The following DOK7 variants were observed in gnomAD, a reference collection of about 807,000 sequenced individuals.
The protein encoded by DOK7 is docking protein 7.
Under a neutral mutation model 30.7 loss-of-function variants are expected in DOK7, and 32 were observed. The ratio of observed to expected loss-of-function variants is 1.04; its 90% CI spans 0.79 to 1.40. The LOEUF (loss-of-function observed/expected upper bound fraction) is 1.40, where lower values mean the gene tolerates loss of function less well. DOK7 is among the 40% of genes most tolerant of loss of function. The probability of loss-of-function intolerance (pLI) is 0.00; values close to 1 mark genes in which losing one functional copy is unlikely to be tolerated. For synonymous variants in DOK7, 447 were observed against 324.1 expected, an observed-to-expected ratio of 1.38 and a Z score of -4.07; for missense variants, 1,007 against 699.2, an observed-to-expected ratio of 1.44 and a Z score of -4.97.
In DOK7 at chr4:3,492,884, A is replaced by G. The variant is rs1728591953; in HGVS notation, c.898A>G (p.Arg300Gly). 1.2e-6 allele frequency: 2 copies of G among 1,600,052 alleles called. No homozygotes were observed. The highest frequency in any genetic ancestry group is 1.3e-5 in the African/African-American group (1 of 74,802). The change falls in exon 7 of 7, where the codon AGA becomes GGA. Residue 300 changes from arginine to glycine, a missense_variant. Coordinates refer to ENST00000340083, the MANE Select transcript of DOK7 (RefSeq NM_173660.5). ...SSASTSQEGP[R>G]PAAAQAAGEA... ...AGCCAGCACGTCACAGGAGGGGCCT[A>G]GACCAGCAGCTGCCCAGGCCGCCGG...
chr4:3,463,536 C>A lies in DOK7; in HGVS notation c.85C>A (p.Pro29Thr), dbSNP rs902383987. The A allele has an allele frequency of 6.6e-7, 1 of 1,509,416 alleles. No homozygotes were observed. The highest frequency in any genetic ancestry group is 1.4e-5 in the African/African-American group (1 of 70,430). The allele number at this position is 1,509,416 out of a possible 1,614,324, so 93.5% of individuals were successfully genotyped here. A position where few individuals can be genotyped will look rare whatever the true frequency, so the allele number is the denominator to read the frequency against. Residue 29 changes from proline to threonine, a missense_variant, in exon 2 of 7, where the codon CCG becomes ACG. Transcript: ENST00000340083. ...GAGTAGGTGGCTGGTGCTGCGGAAG[C>A]CGTCGCCCGTGGCAGGTGAGCGGGG... ...WKSRWLVLRK[P>T]SPVADCLLML...
intron 2 of DOK7, among the ~76,000 whole-genome samples, chr4:3,469,164 T>C (rs1286051692): frequency 6.6e-6 from 1 of 150,994 alleles, no homozygotes; most frequent in Non-Finnish European, 1.5e-5. Flanking sequence ...TGAGTGTGCA[T>C]GTGTGTGTGT....
chr4:3,500,428 C>G lies in DOK7; in HGVS notation c.1261+25C>G, dbSNP rs768481802. 6 of 1,534,480 alleles carry G rather than the reference C, an allele frequency of 3.9e-6. 1 individual carries two copies. In the South Asian group the frequency reaches 7.1e-5, roughly 18 times the overall value. ...GGTGGGTCCCCGCCCTGCGTGGAGG[C>G]ACTGACAATTGGGGGCTGGGACCAC... On this transcript the variant is annotated intron_variant, in intron 7 of 7. Coordinates refer to the DOK7 transcript ENST00000643608.
chr4:3,487,962 G>A (rs1224736165), intron 5 of DOK7, among the ~76,000 whole-genome samples: 1 of 152,250 alleles, frequency 6.6e-6, no homozygotes, highest in African/African-American at 2.4e-5. Context: ...GTGGCTGAAT[G>A]TGTCTGTGAA....
chr4:3,476,259 C>CCCGG, intron 3 of DOK7, 83 bp from the exon 4 acceptor site: 2 of 991,458 alleles, frequency 2.0e-6, no homozygotes. Flanking sequence ...CCCACCCGCC[C>CCCGG]GTGATGCCCT....
chr4:3,490,094 A>ATTCCT (rs753072024), intron 6 of DOK7, among the ~76,000 whole-genome samples: 3 of 74,030 alleles, frequency 4.1e-5, no homozygotes, highest in African/African-American at 5.3e-5. Flanking sequence ...CCCCTCATTC[A>ATTCCT]TTCCTTTCTT....
intron 4 of DOK7, among the ~76,000 whole-genome samples, chr4:3,481,864 G>A (rs957839286): frequency 1.3e-5 from 2 of 152,198 alleles, no homozygotes; most frequent in Non-Finnish European, 2.9e-5. Flanking sequence ...CCTGGAGTTA[G>A]TGCAACAGCT....
chr4:3,465,829 G>A (rs773646217), intron 2 of DOK7, among the ~76,000 whole-genome samples: 7 of 152,316 alleles, frequency 4.6e-5, no homozygotes, highest in African/African-American at 1.7e-4. Flanking sequence ...GCAGGGCCCC[G>A]GGGGAGGAGG....
intron 7 of DOK7, chr4:3,500,481 C>T: frequency 6.6e-7 from 1 of 1,511,300 alleles, no homozygotes; most frequent in Non-Finnish European, 8.8e-7. Flanking sequence ...CCCCCAGCCC[C>T]ACCCAGCAGC....
intron 2 of DOK7, among the ~76,000 whole-genome samples, chr4:3,468,924 T>A (rs1726550417): frequency 6.9e-6 from 1 of 145,332 alleles, no homozygotes; most frequent in Non-Finnish European, 1.5e-5. Flanking sequence ...TATGTGTGTA[T>A]GAGTGTGCGT....
At chr4:3,483,425 G>C (rs984505549) in intron 4 of DOK7, among the ~76,000 whole-genome samples, 5 of 152,156 alleles carry the variant, frequency 3.3e-5, no homozygotes, top group Non-Finnish European at 5.9e-5. Flanking sequence ...CCAAGACCTT[G>C]GCAGACCAGC....
At chr4:3,481,334 G>A (rs562743451) in intron 4 of DOK7, among the ~76,000 whole-genome samples, 2 of 152,070 alleles carry the variant, frequency 1.3e-5, no homozygotes, top group Non-Finnish European at 2.9e-5. Context: ...GATGGAGGGC[G>A]AGGCTGCCCC....
At chr4:3,485,811 G>A (rs1051316653) in intron 5 of DOK7, among the ~76,000 whole-genome samples, 153 bp downstream of exon 5, 1 of 152,264 alleles carries the variant, frequency 6.6e-6, no homozygotes, top group Non-Finnish European at 1.5e-5. Context: ...GGCCAGGATT[G>A]CAGCCTGGGC....
At chr4:3,464,778 TTC>T (rs1402270870) in intron 2 of DOK7, among the ~76,000 whole-genome samples, 2 of 152,120 alleles carry the variant, frequency 1.3e-5, no homozygotes, top group Non-Finnish European at 2.9e-5. Context: ...TGGAGGGATT[TTC>T]TTTCTGCATC....
chr4:3,493,315 C>T lies in DOK7; in HGVS notation c.1329C>T (p.Pro443=), dbSNP rs768213796. 1.6e-5 allele frequency: 25 copies of T among 1,604,658 alleles called. No individual in the cohort carries two copies. Among genetic ancestry groups the T allele is most frequent in the Non-Finnish European group, 2.0e-5 (24 of 1,175,984 alleles). Residue 443 remains proline, a synonymous_variant, in exon 7 of 7, where the codon CCC becomes CCT. Transcript: ENST00000340083. The part of the protein sequence containing the change: ...DSGGQTSAGC[P]SGWLGTRRRG... ...GCGGCCAGACGTCCGCCGGGTGTCC[C>T]TCTGGCTGGCTGGGCACGAGACGGC...
At chr4:3,479,682 CTG>C (rs2109352357) in intron 4 of DOK7, among the ~76,000 whole-genome samples, 1 of 152,348 alleles carries the variant, frequency 6.6e-6, no homozygotes, top group Middle Eastern at 3.4e-3. Flanking sequence ...TCCTGAGACA[CTG>C]GGCGTGGCTG....
At chr4:3,494,815 G>C (rs1407776716), downstream of DOK7, among the ~76,000 whole-genome samples, 1 of 152,198 alleles carries the variant, frequency 6.6e-6, no homozygotes, top group Non-Finnish European at 1.5e-5. Context: ...TCAGGAGGGG[G>C]CTGGCTCTGA....
chr4:3,499,061 G>C (rs1438195755), downstream of DOK7, among the ~76,000 whole-genome samples: 1 of 152,164 alleles, frequency 6.6e-6, no homozygotes, highest in East Asian at 1.9e-4. Flanking sequence ...ACAAGGGTGA[G>C]AGGAGCCAGG....
At chr4:3,484,266 C>T (rs1727616123) in intron 4 of DOK7, among the ~76,000 whole-genome samples, 1 of 152,206 alleles carries the variant, frequency 6.6e-6, no homozygotes, top group African/African-American at 2.4e-5. Flanking sequence ...GGGGTGGCTG[C>T]CAAGGGGCCG....
Sources: allele counts gnomAD v4.1 joint callset (sites outside exome capture counted in the v4.1 genomes callset), GRCh38; gene constraint gnomAD v4.1.1; transcripts MANE v1.5; gene names NCBI Gene and HGNC (gene_info 2026-07-23, HGNC 2026-07-21).